Variants in SBF2 observed in about 807,000 individuals in gnomAD.
The protein encoded by SBF2 is myotubularin-related protein 13.
In SBF2, 112 loss-of-function variants were observed where a neutral mutation model predicts 225.2. The ratio of observed to expected loss-of-function variants is 0.50; its 90% confidence interval spans 0.43 to 0.58. SBF2 has a LOEUF of 0.58. Among genes scored for constraint, SBF2 ranks in the 20% least tolerant of loss-of-function variants. The pLI, the probability that SBF2 is intolerant of heterozygous loss-of-function variation, is 0.00. For missense variants in SBF2, 1,996 were observed against 2,206.2 expected, an observed-to-expected ratio of 0.90 and a Z score of 1.91; for synonymous variants, 763 against 773.3, an observed-to-expected ratio of 0.99 and a Z score of 0.22.
chr11:10,082,925 T>A (rs1951425428), intron 2 of SBF2, among the ~76,000 whole-genome samples: 1 of 152,060 alleles, frequency 6.6e-6, no homozygotes, highest in East Asian at 1.9e-4. Flanking sequence ...GCGTCCAAAT[T>A]GGAAAAGAAT....
chr11:10,284,916 C>A (rs987695543), intron 1 of SBF2, among the ~76,000 whole-genome samples: 3 of 124,038 alleles, frequency 2.4e-5, no homozygotes, highest in Non-Finnish European at 5.5e-5. Flanking sequence ...ACCCAGCTGA[C>A]AAGAGTTTTT....
At chr11:10,177,397 A>C (rs1160572103) in intron 2 of SBF2, among the ~76,000 whole-genome samples, 1 of 148,098 alleles carries the variant, frequency 6.8e-6, no homozygotes, top group Non-Finnish European at 1.5e-5. Context: ...AGAGGAAGTC[A>C]AATTGTCCCT....
chr11:10,231,118 T>C (rs1958824028), intron 1 of SBF2, among the ~76,000 whole-genome samples: 1 of 152,228 alleles, frequency 6.6e-6, no homozygotes, highest in Non-Finnish European at 1.5e-5. Context: ...CTGAGGCTTG[T>C]GCATTCGTCA....
intron 23 of SBF2, among the ~76,000 whole-genome samples, chr11:9,846,373 A>T (rs1480361765): frequency 6.6e-6 from 1 of 152,206 alleles, no homozygotes; most frequent in Non-Finnish European, 1.5e-5. Context: ...AAGACAAGCA[A>T]AATATTGCAA....
chr11:9,855,253 A>G (rs1857234066), intron 19 of SBF2, among the ~76,000 whole-genome samples: 1 of 152,210 alleles, frequency 6.6e-6, no homozygotes, highest in Non-Finnish European at 1.5e-5. Context: ...AGTTGACTGT[A>G]TGGTGTGAAA....
At position 9,942,942 on chromosome 11, in the gene SBF2, G is replaced by GAAAGAAAGAAA. The variant is rs1383195932; in HGVS notation, c.1860+19014_1860+19015insTTTCTTTCTTT. Among the ~76,000 whole-genome samples the GAAAGAAAGAAA allele has an allele frequency of 2.9e-3, 224 of 77,468 alleles. 1 individual carries two copies. Among genetic ancestry groups the GAAAGAAAGAAA allele is most frequent in the Admixed American group, 5.7e-3 (48 of 8,432 alleles). The allele number at this position is 77,468 out of a possible 152,430, so 50.8% of individuals were successfully genotyped here. ...AAGAAAGAAAGAAAGAAAGAAAGAA[G>GAAAGAAAGAAA]GAAGGAACGAAGGAAGGAAAGAAGG... On this transcript the variant is annotated intron_variant, in intron 16 of 39. Transcript: ENST00000256190.
chr11:10,295,757 T>G (rs562238847), upstream of SBF2, among the ~76,000 whole-genome samples: 2 of 152,226 alleles, frequency 1.3e-5, no homozygotes, highest in Non-Finnish European at 2.9e-5. Context: ...TCCTTATTAT[T>G]TCAGAGTTGT....
At position 9,890,949 on chromosome 11, in the gene SBF2, C is replaced by T. The variant is rs779413399; in HGVS notation, c.1929+4994G>A. On this transcript the variant is annotated intron_variant, in intron 17 of 39. Transcript: ENST00000256190. ...AGGAGTTCAAGACCAGCCTGGCCAA[C>T]GTGGTGAATCCCCATCTCTACGGTA... 3.6e-4 allele frequency among the ~76,000 whole-genome samples: 55 copies of T among 151,972 alleles called. 1 individual carries two copies. Among genetic ancestry groups the T allele is most frequent in the Non-Finnish European group, 7.4e-5 (5 of 67,986 alleles).
At chr11:10,198,064 T>C (rs1294036460) in intron 1 of SBF2, among the ~76,000 whole-genome samples, 1 of 152,238 alleles carries the variant, frequency 6.6e-6, no homozygotes, top group Non-Finnish European at 1.5e-5. Context: ...AATAGGTTCA[T>C]ATTTTTACCT....
intron 1 of SBF2, among the ~76,000 whole-genome samples, chr11:10,300,592 A>G (rs893854746): frequency 6.6e-6 from 1 of 151,970 alleles, no homozygotes; most frequent in East Asian, 1.9e-4. Flanking sequence ...CAGGATCCCT[A>G]TCTGGAGACA....
At chr11:10,143,947 C>T (rs929955536) in intron 2 of SBF2, among the ~76,000 whole-genome samples, 4 of 152,078 alleles carry the variant, frequency 2.6e-5, no homozygotes, top group African/African-American at 9.7e-5. Context: ...TCTCGATCTC[C>T]TGACCTCGTG....
intron 2 of SBF2, among the ~76,000 whole-genome samples, chr11:10,111,206 T>G (rs1285520931): frequency 6.6e-6 from 1 of 152,220 alleles, no homozygotes; most frequent in African/African-American, 2.4e-5. Flanking sequence ...TGATTTTAAA[T>G]GATTTCACAG....
chr11:10,000,405 A>T (rs1203258886), intron 8 of SBF2, among the ~76,000 whole-genome samples: 2 of 152,206 alleles, frequency 1.3e-5, no homozygotes, highest in African/African-American at 4.8e-5. Context: ...TAAATGAATT[A>T]TTCCAGAACT....
At chr11:9,917,636 G>A (rs1863213629) in intron 16 of SBF2, among the ~76,000 whole-genome samples, 1 of 151,186 alleles carries the variant, frequency 6.6e-6, no homozygotes, top group Non-Finnish European at 1.5e-5. Flanking sequence ...CCAGCCACAA[G>A]TTTTTATTAT....
chr11:9,970,235 C>CT (rs1192058281), intron 13 of SBF2, among the ~76,000 whole-genome samples: 1 of 149,842 alleles, frequency 6.7e-6, no homozygotes, highest in Non-Finnish European at 1.5e-5. Flanking sequence ...TAGACGCAGT[C>CT]TTGCTCTGTC....
At chr11:9,817,861 G>T (rs777410354) in intron 28 of SBF2, among the ~76,000 whole-genome samples, 2 of 151,986 alleles carry the variant, frequency 1.3e-5, no homozygotes, top group Non-Finnish European at 2.9e-5. Flanking sequence ...GCGCCACTGC[G>T]CTACATACTG....
At chr11:9,947,026 A>G (rs1374978824) in intron 16 of SBF2, among the ~76,000 whole-genome samples, 2 of 81,820 alleles carry the variant, frequency 2.4e-5, no homozygotes. Flanking sequence ...ATCTAGAATT[A>G]GTTATTTGAT....
At chr11:9,863,380 A>G (rs986589713) in intron 17 of SBF2, among the ~76,000 whole-genome samples, 21 of 152,258 alleles carry the variant, frequency 1.4e-4, no homozygotes, top group Non-Finnish European at 3.1e-4. Flanking sequence ...ACCAGATTTC[A>G]GGAAAGAAGG....
In SBF2 at chr11:9,990,052, A is replaced by T. The variant is rs555721443; in HGVS notation, c.1297-457T>A. ...TCAGTTTTCTCATCTCTAAAATAAG[A>T]TGGAAGAACAAGATGACCCTTAGAC... On this transcript the variant is annotated intron_variant, in intron 12 of 39. Coordinates refer to ENST00000256190, the MANE Select transcript of SBF2 (RefSeq NM_030962.4). Among the ~76,000 whole-genome samples, 29 of 152,272 alleles carry T rather than the reference A, an allele frequency of 1.9e-4. No homozygotes were observed. The South Asian group carries it at 5.6e-3, about 29-fold the overall frequency.
Sources: gnomAD v4.1 joint callset for allele counts (sites outside exome capture counted in the v4.1 genomes callset) on GRCh38, gnomAD v4.1.1 for gene constraint, MANE v1.5 for transcripts, NCBI Gene and HGNC (gene_info 2026-07-23, HGNC 2026-07-21) for gene names.